KSR2: variants seen among roughly 807,000 people sequenced by gnomAD.
The protein encoded by KSR2 is kinase suppressor of ras 2.
KSR2 carries 25 observed loss-of-function variants against 107.8 expected under a neutral mutation model. The ratio of observed to expected loss-of-function variants is 0.23; its 90% CI spans 0.17 to 0.32. The LOEUF (loss-of-function observed/expected upper bound fraction) is 0.32, where lower values mean the gene tolerates loss of function less well. Among genes scored for constraint, KSR2 ranks in the 10% least tolerant of loss-of-function variants. KSR2 has a pLI of 1.00. For synonymous variants in KSR2, 480 were observed against 507.0 expected (o/e 0.95, Z 0.71); for missense variants, 887 against 1,268.9 (o/e 0.70, Z 4.57).
chr12:117,930,043 A>T (rs1488468572), intron 1 of KSR2, among the ~76,000 whole-genome samples: 2 of 151,530 alleles, frequency 1.3e-5, no homozygotes, highest in Admixed American at 6.6e-5. Flanking sequence ...ACCTCAATTT[A>T]AAAAAAATTT....
At chr12:117,803,266 G>C (rs1318779206) in intron 3 of KSR2, among the ~76,000 whole-genome samples, 2 of 152,184 alleles carry the variant, frequency 1.3e-5, no homozygotes, top group African/African-American at 2.4e-5. Context: ...TCCAGAGCTG[G>C]GAGCGGACGG....
chr12:117,467,628 G>A (rs968903584), intron 19 of KSR2, among the ~76,000 whole-genome samples: 21 of 152,174 alleles, frequency 1.4e-4, no homozygotes, highest in African/African-American at 4.8e-4. Flanking sequence ...GTCATCTAGT[G>A]TATGGGGCTG....
At chr12:117,581,543 C>G (rs1879663520) in intron 6 of KSR2, among the ~76,000 whole-genome samples, 1 of 152,224 alleles carries the variant, frequency 6.6e-6, no homozygotes, top group African/African-American at 2.4e-5. Context: ...CTTCCAGGGC[C>G]TCAGTCTGCC....
At chr12:117,820,824 C>G (rs949732340) in intron 3 of KSR2, among the ~76,000 whole-genome samples, 2 of 152,132 alleles carry the variant, frequency 1.3e-5, no homozygotes, top group Non-Finnish European at 2.9e-5. Context: ...GTATTAGAAG[C>G]CTACATGTGG....
At chr12:117,491,256 T>G (rs1437559406) in intron 14 of KSR2, among the ~76,000 whole-genome samples, 2 of 152,190 alleles carry the variant, frequency 1.3e-5, no homozygotes, top group Admixed American at 1.3e-4. Flanking sequence ...CTCAGCTCAC[T>G]GCAACCTCTG....
intron 1 of KSR2, among the ~76,000 whole-genome samples, chr12:117,903,423 CAAAT>C (rs1448276130): frequency 1.3e-5 from 2 of 152,158 alleles, no homozygotes; most frequent in African/African-American, 4.8e-5. Flanking sequence ...TTTGAATAAA[CAAAT>C]ACTTTTTTAG....
chr12:117,469,258 T>C (rs991515839), intron 19 of KSR2, among the ~76,000 whole-genome samples: 5 of 152,168 alleles, frequency 3.3e-5, no homozygotes, highest in African/African-American at 1.2e-4. Context: ...AGATCTGCCA[T>C]GACAGGGGCA....
intron 3 of KSR2, among the ~76,000 whole-genome samples, chr12:117,824,524 ATTATGTACAC>A (rs1891670191): frequency 6.6e-6 from 1 of 152,190 alleles, no homozygotes; most frequent in African/African-American, 2.4e-5. Flanking sequence ...GTACCCTGAA[ATTATGTACAC>A]TTATTATGCA....
chr12:117,788,971 G>T (rs764402), intron 3 of KSR2, among the ~76,000 whole-genome samples: 84,341 of 152,062 alleles, frequency 0.55, 24,928 homozygotes, highest in African/African-American at 0.75. Flanking sequence ...TTAAAACAAC[G>T]TTAGGCTCCA....
chr12:117,734,812 G>C (rs1887879045), intron 4 of KSR2, among the ~76,000 whole-genome samples: 2 of 151,838 alleles, frequency 1.3e-5, no homozygotes, highest in African/African-American at 4.8e-5. Flanking sequence ...CTGGCATACA[G>C]TGGTACAGAG....
At chr12:117,483,961 C>T (rs974913752) in intron 16 of KSR2, among the ~76,000 whole-genome samples, 4 of 152,176 alleles carry the variant, frequency 2.6e-5, no homozygotes, top group East Asian at 3.9e-4. Flanking sequence ...TGATTAAAGT[C>T]GCATTTAATA....
intron 5 of KSR2, among the ~76,000 whole-genome samples, chr12:117,598,890 C>A (rs1880789790): frequency 6.6e-6 from 1 of 151,694 alleles, no homozygotes; most frequent in African/African-American, 2.4e-5. Flanking sequence ...ATGGGTCTGC[C>A]CTGGTAATAT....
intron 5 of KSR2, among the ~76,000 whole-genome samples, chr12:117,609,340 T>C (rs1881464306): frequency 6.6e-6 from 1 of 152,222 alleles, no homozygotes; most frequent in Admixed American, 6.5e-5. Context: ...TAATCAGTGC[T>C]CCATGAAGAA....
intron 4 of KSR2, among the ~76,000 whole-genome samples, chr12:117,740,501 AT>A (rs1888153929): frequency 3.9e-5 from 5 of 128,610 alleles, no homozygotes; most frequent in Non-Finnish European, 8.2e-5. Flanking sequence ...TATGTTATAT[AT>A]TACATTTATA....
chr12:117,851,593 A>G (rs1484556008), intron 3 of KSR2, among the ~76,000 whole-genome samples: 1 of 152,038 alleles, frequency 6.6e-6, no homozygotes, highest in Non-Finnish European at 1.5e-5. Context: ...GTCTCAAAAA[A>G]CAAAAAATAG....
Position 117,619,107 on chromosome 12 carries a change from C to T in KSR2, c.1172-36748G>A, listed in dbSNP as rs549624604. Among the ~76,000 whole-genome samples the T allele has an allele frequency of 2.8e-3, 431 of 152,238 alleles. 5 individuals carry two copies. Among genetic ancestry groups the T allele is most frequent in the Non-Finnish European group, 5.1e-3 (345 of 68,016 alleles). ...ACCTTCTAGGAGACCTTGAGAATTACTACAATGCTGTCTGCTAGATGGGCA... is the reference window on the plus strand; with the variant it reads ...ACCTTCTAGGAGACCTTGAGAATTATTACAATGCTGTCTGCTAGATGGGCA... On this transcript the variant is annotated intron_variant, in intron 5 of 19. Transcript: ENST00000339824.
chr12:117,702,303 T>A (rs1184597164), intron 4 of KSR2, among the ~76,000 whole-genome samples: 1 of 152,164 alleles, frequency 6.6e-6, no homozygotes, highest in Non-Finnish European at 1.5e-5. Flanking sequence ...GGTGTGAGAT[T>A]CAATCATCTT....
chr12:117,943,947 C>T (rs528749894), intron 1 of KSR2, among the ~76,000 whole-genome samples: 2 of 152,306 alleles, frequency 1.3e-5, no homozygotes, highest in South Asian at 2.1e-4. Flanking sequence ...CATGTTAAGA[C>T]GTGCCTTTCA....
chr12:117,724,082 G>A (rs926406533), intron 4 of KSR2, among the ~76,000 whole-genome samples: 4 of 151,988 alleles, frequency 2.6e-5, no homozygotes, highest in South Asian at 4.2e-4. Flanking sequence ...TGAGGTGGGC[G>A]AATCACTTGA....
Sources: allele counts gnomAD v4.1 joint callset (sites outside exome capture counted in the v4.1 genomes callset), GRCh38; gene constraint gnomAD v4.1.1; transcripts MANE v1.5; gene names NCBI Gene and HGNC (gene_info 2026-07-23, HGNC 2026-07-21).